SLC39A14: variants seen among roughly 807,000 people sequenced by gnomAD.
SLC39A14 encodes solute carrier family 39 member 14, also known as metal cation symporter ZIP14.
In SLC39A14, 19 loss-of-function variants were observed where a neutral mutation model predicts 45.5. That is an observed-to-expected ratio of 0.42 (90% CI 0.29 to 0.61). The LOEUF (loss-of-function observed/expected upper bound fraction) is 0.61. SLC39A14 is among the 20% of genes least tolerant of loss of function. SLC39A14 has a pLI of 0.22. For missense variants in SLC39A14, 447 were observed against 616.5 expected, an observed-to-expected ratio of 0.73 and a Z score of 2.91; for synonymous variants, 264 against 251.3, an observed-to-expected ratio of 1.05 and a Z score of -0.48.
chr8:22,419,401 C>G, intron 8 of SLC39A14, 151 bp from the exon 9 acceptor site: 2 of 698,022 alleles, frequency 2.9e-6, no homozygotes, highest in Non-Finnish European at 4.9e-6. Flanking sequence ...TCAGGCTGGT[C>G]TCGAACTCCT....
chr8:22,423,786 T>TTCTCTCTCTCTC (rs58420252), downstream of SLC39A14, among the ~76,000 whole-genome samples: 793 of 122,244 alleles, frequency 6.5e-3, 27 homozygotes, highest in African/African-American at 0.02. Flanking sequence ...TTTAATTGGT[T>TTCTCTCTCTCTC]TCTCTCTCTC....
At chr8:22,423,345 T>G (rs559736228), downstream of SLC39A14, among the ~76,000 whole-genome samples, 107 of 151,496 alleles carry the variant, frequency 7.1e-4, 1 homozygote, top group Middle Eastern at 0.01. Flanking sequence ...GTTTTGTTTT[T>G]TTTTTTTTGA....
In SLC39A14 at chr8:22,422,137, C is replaced by G; in HGVS notation, c.*2439C>G. 16 of 985,450 alleles carry G rather than the reference C, an allele frequency of 1.6e-5. No homozygotes were observed. Among genetic ancestry groups the G allele is most frequent in the Non-Finnish European group, 1.9e-5 (16 of 829,936 alleles). 61.0% of individuals were successfully genotyped at this position (985,450 alleles called of 1,614,324 possible). ...TACATATTAGAAGTCTAAGGAGTAG[C>G]AAGTCAGTGGGAGGACTTTTTCACC... On this transcript the variant is annotated 3_prime_UTR_variant, in exon 9 of 9. Coordinates refer to ENST00000381237, the MANE Select transcript of SLC39A14 (RefSeq NM_001128431.4).
At chr8:22,433,753 G>A (rs925579937) in intron 8 of SLC39A14, 4 of 178,952 alleles carry the variant, frequency 2.2e-5, no homozygotes, top group East Asian at 1.8e-4. Flanking sequence ...ATAGAGACGC[G>A]GTTTCACCAT....
intron 1 of SLC39A14, among the ~76,000 whole-genome samples, chr8:22,371,893 C>T (rs959049714): frequency 8.1e-5 from 12 of 148,800 alleles, no homozygotes; most frequent in Admixed American, 2.7e-4. Flanking sequence ...TATAGGCGCC[C>T]GCCACCACGC....
At chr8:22,406,825 G>A (rs1332387952) in intron 2 of SLC39A14, among the ~76,000 whole-genome samples, 1 of 152,200 alleles carries the variant, frequency 6.6e-6, no homozygotes, top group African/African-American at 2.4e-5. Context: ...TGAGCCTCAG[G>A]ACCCGCCAGG....
At chr8:22,413,137 A>G (rs1246816447) in intron 4 of SLC39A14, among the ~76,000 whole-genome samples, 1 of 152,180 alleles carries the variant, frequency 6.6e-6, no homozygotes, top group African/African-American at 2.4e-5. Flanking sequence ...ATTTGGTGTA[A>G]TCCCCTCAGC....
At chr8:22,415,674 C>A in intron 5 of SLC39A14, 95 bp from the exon 6 acceptor site, 2 of 1,163,920 alleles carry the variant, frequency 1.7e-6, no homozygotes, top group Non-Finnish European at 2.5e-6. Context: ...AGGCTGAGGT[C>A]TTCCAGTGTG....
Position 22,409,872 on chromosome 8 carries a change from A to G in SLC39A14, c.457+1376A>G, listed in dbSNP as rs3802199. On this transcript the variant is annotated intron_variant, in intron 3 of 8. Coordinates refer to ENST00000381237, the MANE Select transcript of SLC39A14 (RefSeq NM_001128431.4). ...GCCCCATCACACCTGAATTCAGAAC[A>G]GGGCCGCCCCAGGCAGCAGGAGTGT... 0.29 allele frequency: 437,173 copies of G among 1,530,424 alleles called. 65,822 individuals are homozygous for G. The highest frequency in any genetic ancestry group is 0.52 in the East Asian group (22,951 of 44,190). The allele number at this position is 1,530,424 out of a possible 1,614,324, so 94.8% of individuals were successfully genotyped here.
Position 22,417,480 on chromosome 8 carries a change from C to T in SLC39A14, c.1148-171C>T, listed in dbSNP as rs114010497. Among the ~76,000 whole-genome samples the T allele has an allele frequency of 6.0e-3, 911 of 152,218 alleles. 7 individuals carry two copies. The highest frequency in any genetic ancestry group is 0.021 in the African/African-American group (880 of 41,526). On this transcript the variant is annotated intron_variant, in intron 7 of 8. Coordinates refer to ENST00000381237, the MANE Select transcript of SLC39A14 (RefSeq NM_001128431.4). ...TGTCATCGGTGCCCTCTGTCTCCCA[C>T]GACCTTGTATGACTGGCTCTCACTT... is the stretch of plus-strand genomic sequence containing the variant.
chr8:22,432,104 G>A (rs1320136799), intron 8 of SLC39A14, among the ~76,000 whole-genome samples: 2 of 152,168 alleles, frequency 1.3e-5, no homozygotes, highest in African/African-American at 4.8e-5. Flanking sequence ...GCCAAGGTGG[G>A]AGGATCGCTT....
intron 1 of SLC39A14, among the ~76,000 whole-genome samples, chr8:22,395,465 C>T (rs1413586737): frequency 6.6e-6 from 1 of 152,190 alleles, no homozygotes; most frequent in Non-Finnish European, 1.5e-5. Context: ...ATTTTTTGAA[C>T]ACCAAGCATA....
At chr8:22,393,081 G>C in intron 1 of SLC39A14, 2 of 254,632 alleles carry the variant, frequency 7.9e-6, no homozygotes, top group Non-Finnish European at 1.2e-5. Context: ...TCCCATCAGC[G>C]CGAGGTTTCA....
downstream of SLC39A14, among the ~76,000 whole-genome samples, chr8:22,424,793 A>G (rs541300226): frequency 1.3e-5 from 2 of 152,252 alleles, no homozygotes; most frequent in South Asian, 4.1e-4. Flanking sequence ...TTAGGAGGCC[A>G]AGGCAGGTGG....
chr8:22,408,170 A>G, intron 2 of SLC39A14, 140 bp from the exon 3 acceptor site: 1 of 715,336 alleles, frequency 1.4e-6, no homozygotes, highest in Non-Finnish European at 2.3e-6. Flanking sequence ...TCCCTAGACT[A>G]GATGAATCTA....
At chr8:22,407,331 T>A (rs1835282371) in intron 2 of SLC39A14, among the ~76,000 whole-genome samples, 1 of 152,166 alleles carries the variant, frequency 6.6e-6, no homozygotes. Flanking sequence ...AGCTTGTATC[T>A]TCAGGCACAC....
At chr8:22,395,806 C>T (rs771394504) in intron 1 of SLC39A14, among the ~76,000 whole-genome samples, 7 of 152,114 alleles carry the variant, frequency 4.6e-5, no homozygotes, top group Non-Finnish European at 7.4e-5. Context: ...CTTTGCCTGC[C>T]GTTTCTTTTC....
chr8:22,385,204 C>G (rs371680693), intron 1 of SLC39A14, among the ~76,000 whole-genome samples: 1 of 152,184 alleles, frequency 6.6e-6, no homozygotes, highest in South Asian at 2.1e-4. Flanking sequence ...TGCCCTCTCC[C>G]CAAGGTTGCT....
At chr8:22,432,648 T>A (rs1480524412) in intron 8 of SLC39A14, among the ~76,000 whole-genome samples, 1 of 141,734 alleles carries the variant, frequency 7.1e-6, no homozygotes, top group Non-Finnish European at 1.5e-5. Flanking sequence ...CCGGCTAATT[T>A]TTTTTTTTTT....
Sources: gnomAD v4.1 joint callset for allele counts (sites outside exome capture counted in the v4.1 genomes callset) on GRCh38, gnomAD v4.1.1 for gene constraint, MANE v1.5 for transcripts, NCBI Gene and HGNC (gene_info 2026-07-23, HGNC 2026-07-21) for gene names.